Variants in GPHN observed in about 807,000 individuals in gnomAD.
GPHN encodes the protein gephyrin.
A neutral mutation model predicts 95.5 loss-of-function variants in GPHN; 17 were observed. That is an observed-to-expected ratio of 0.18 (90% CI 0.12 to 0.27). GPHN has a LOEUF of 0.27. Ranked by LOEUF, GPHN falls within the 10% of genes least tolerant of loss-of-function variation. The pLI is 1.00. For synonymous variants in GPHN, 320 were observed against 322.5 expected, an observed-to-expected ratio of 0.99 and a Z score of 0.08; for missense variants, 660 against 978.1, an observed-to-expected ratio of 0.67 and a Z score of 4.34.
At chr14:66,984,014 A>G (rs1367287127) in intron 9 of GPHN, among the ~76,000 whole-genome samples, 1 of 152,160 alleles carries the variant, frequency 6.6e-6, no homozygotes, top group Non-Finnish European at 1.5e-5. Context: ...AAAGATACCT[A>G]ATGTTGCTGA....
the GPHN span, among the ~76,000 whole-genome samples, chr14:67,510,450 G>T: frequency 6.6e-6 from 1 of 152,160 alleles, no homozygotes; most frequent in African/African-American, 2.4e-5. Context: ...ACCACAGCTG[G>T]TGATTTAATA....
the GPHN span, among the ~76,000 whole-genome samples, chr14:67,439,586 TTTCTTTCTTC>T: frequency 7.2e-6 from 1 of 139,536 alleles, no homozygotes; most frequent in Non-Finnish European, 1.5e-5. Flanking sequence ...TCTTTCTTTC[TTTCTTTCTTC>T]TTTCTTTTTT....
chr14:67,437,316 G>A, the GPHN span, among the ~76,000 whole-genome samples: 31 of 152,170 alleles, frequency 2.0e-4, no homozygotes, highest in Non-Finnish European at 8.8e-5. Context: ...AAATTGTAGT[G>A]AGTACGCAGA....
chr14:67,291,866 C>A, the GPHN span, among the ~76,000 whole-genome samples: 109 of 152,188 alleles, frequency 7.2e-4, no homozygotes, highest in African/African-American at 2.5e-3. Flanking sequence ...ATTAGTAAAG[C>A]CTCCCTAGAA....
At chr14:66,874,317 C>A (rs1668769537) in intron 4 of GPHN, among the ~76,000 whole-genome samples, 1 of 152,146 alleles carries the variant, frequency 6.6e-6, no homozygotes, top group South Asian at 2.1e-4. Flanking sequence ...CACAAGAAGG[C>A]TGAAAATTCC....
intron 4 of GPHN, among the ~76,000 whole-genome samples, chr14:66,855,121 A>G (rs887799509): frequency 1.3e-5 from 2 of 152,214 alleles, no homozygotes; most frequent in Admixed American, 6.5e-5. Flanking sequence ...TGTTGGGATT[A>G]TAGGCATGAG....
At chr14:67,372,049 G>A in the GPHN span, among the ~76,000 whole-genome samples, 1 of 152,092 alleles carries the variant, frequency 6.6e-6, no homozygotes, top group Non-Finnish European at 1.5e-5. Context: ...GGGATCACTT[G>A]AGCCCAGGAG....
At chr14:67,575,538 A>G in the GPHN span, 572,062 of 993,334 alleles carry the variant, frequency 0.58, 168,532 homozygotes, top group Non-Finnish European at 0.61. Flanking sequence ...CTGCCACTCT[A>G]TGTCCTGATG....
chr14:67,180,838 C>T lies in GPHN; in HGVS notation c.2211C>T (p.Arg737=). Residue 737 remains arginine, a synonymous_variant, in exon 23 of 23, where the codon CGC becomes CGT. Coordinates refer to ENST00000478722, the MANE Select transcript of GPHN (RefSeq NM_020806.5). ...NQMSSRLMSM[R]SANGLLMLPP... ...TGAGCAGCCGTCTGATGAGCATGCGCAGTGCCAATGGATTGTTGATGCTAC... is the reference window on the plus strand; with the variant it reads ...TGAGCAGCCGTCTGATGAGCATGCGTAGTGCCAATGGATTGTTGATGCTAC... The T allele has an allele frequency of 6.2e-7, 1 of 1,613,722 alleles. No individual in the cohort carries two copies. Among genetic ancestry groups the T allele is most frequent in the Non-Finnish European group, 8.5e-7 (1 of 1,179,728 alleles).
the GPHN span, among the ~76,000 whole-genome samples, chr14:67,609,404 C>A: frequency 0.031 from 4,746 of 152,246 alleles, 228 homozygotes; most frequent in African/African-American, 0.11. Flanking sequence ...CACCGCCTTC[C>A]CTGTACCCCA....
intron 1 of GPHN, among the ~76,000 whole-genome samples, chr14:66,646,354 C>A (rs971368743): frequency 6.6e-6 from 1 of 151,988 alleles, no homozygotes; most frequent in African/African-American, 2.4e-5. Flanking sequence ...GAAATTGGAA[C>A]CTTTGTGTAT....
At chr14:67,397,563 T>G in the GPHN span, 2 of 1,004,178 alleles carry the variant, frequency 2.0e-6, no homozygotes, top group Non-Finnish European at 2.9e-6. Context: ...CAATTCTAAC[T>G]CTGAGCTCTT....
chr14:66,990,464 CT>C (rs1487846638), intron 9 of GPHN, among the ~76,000 whole-genome samples: 2 of 152,162 alleles, frequency 1.3e-5, no homozygotes, highest in Non-Finnish European at 2.9e-5. Context: ...GGAGATTTTT[CT>C]GTTGGTCGCG....
At chr14:66,862,555 G>A (rs1035094088) in intron 4 of GPHN, among the ~76,000 whole-genome samples, 6 of 151,898 alleles carry the variant, frequency 4.0e-5, no homozygotes, top group Non-Finnish European at 8.8e-5. Flanking sequence ...AAAATTACAG[G>A]CCAATATCTC....
At chr14:67,447,400 G>T in the GPHN span, 1 of 152,080 alleles carries the variant, frequency 6.6e-6, no homozygotes, top group Non-Finnish European at 1.5e-5. Flanking sequence ...ATAGCAGGAA[G>T]ATTTGAATTT....
At chr14:66,820,329 G>A (rs1782794763) in intron 3 of GPHN, among the ~76,000 whole-genome samples, 1 of 152,146 alleles carries the variant, frequency 6.6e-6, no homozygotes, top group African/African-American at 2.4e-5. Flanking sequence ...TCTGGAACTT[G>A]CACAGAAAAA....
At chr14:66,905,302 T>G (rs968664850) in intron 5 of GPHN, among the ~76,000 whole-genome samples, 3 of 152,134 alleles carry the variant, frequency 2.0e-5, no homozygotes, top group Non-Finnish European at 4.4e-5. Flanking sequence ...GTTCATTAAA[T>G]TTTTATCATA....
At chr14:67,456,867 T>C in the GPHN span, among the ~76,000 whole-genome samples, 1 of 152,030 alleles carries the variant, frequency 6.6e-6, no homozygotes, top group Admixed American at 6.5e-5. Context: ...AGAAAAGACA[T>C]GGAATCAACC....
chr14:66,969,209 A>T (rs1469487815), intron 9 of GPHN: 1 of 152,182 alleles, frequency 6.6e-6, no homozygotes, highest in Non-Finnish European at 1.5e-5. Context: ...TGAAATGAGG[A>T]ATAATTTTCA....
Sources: gnomAD v4.1 joint callset for allele counts (sites outside exome capture counted in the v4.1 genomes callset) on GRCh38, gnomAD v4.1.1 for gene constraint, MANE v1.5 for transcripts, NCBI Gene and HGNC (gene_info 2026-07-23, HGNC 2026-07-21) for gene names.